NDUFS4: variants seen among roughly 807,000 people sequenced by gnomAD.
The protein encoded by NDUFS4 is NADH:ubiquinone oxidoreductase subunit S4, also known as NADH dehydrogenase [ubiquinone] iron-sulfur protein 4, mitochondrial.
NDUFS4 carries 28 observed loss-of-function variants against 24.3 expected under a neutral mutation model. The observed-to-expected ratio is 1.15, with a 90% CI of 0.85 to 1.58. NDUFS4 has a LOEUF of 1.58. NDUFS4 is among the 40% of genes most tolerant of loss of function. The pLI, the probability that NDUFS4 is intolerant of heterozygous loss-of-function variation, is 0.00. For missense variants in NDUFS4, 223 were observed against 207.9 expected, an observed-to-expected ratio of 1.07 and a Z score of -0.45; for synonymous variants, 93 against 69.7, an observed-to-expected ratio of 1.34 and a Z score of -1.67.
chr5:53,574,121 G>C (rs1331231404), intron 1 of NDUFS4, among the ~76,000 whole-genome samples: 1 of 152,134 alleles, frequency 6.6e-6, no homozygotes, highest in East Asian at 1.9e-4. Context: ...ATTTCCAGGA[G>C]GATGTTAAGA....
chr5:53,561,055 A>T (rs1322141717), intron 1 of NDUFS4, among the ~76,000 whole-genome samples: 1 of 151,962 alleles, frequency 6.6e-6, no homozygotes, highest in African/African-American at 2.4e-5. Flanking sequence ...TGCAAGCTGA[A>T]CCTTAGCCCT....
intron 4 of NDUFS4, among the ~76,000 whole-genome samples, chr5:53,668,639 A>T (rs1257680446): frequency 3.6e-5 from 5 of 140,218 alleles, no homozygotes; most frequent in African/African-American, 1.1e-4. Context: ...TTTTTTTTTT[A>T]AAGTAGAGAC....
At position 53,652,775 on chromosome 5, in the gene NDUFS4, G is replaced by T. The variant is rs185891563; in HGVS notation, c.351-5776G>T. ...ACTCAAAGGTAAAAGATTTATCTTT[G>T]TGTAAATATGAAAAATATCTTAAGG... On this transcript the variant is annotated intron_variant, in intron 3 of 4. Coordinates refer to ENST00000296684, the MANE Select transcript of NDUFS4 (RefSeq NM_002495.4). Among the ~76,000 whole-genome samples, 111 of 152,178 alleles carry T rather than the reference G, an allele frequency of 7.3e-4. 1 individual carries two copies. Among genetic ancestry groups the T allele is most frequent in the African/African-American group, 2.6e-3 (107 of 41,546 alleles).
At chr5:53,599,581 C>A (rs1406206467) in intron 1 of NDUFS4, among the ~76,000 whole-genome samples, 1 of 151,962 alleles carries the variant, frequency 6.6e-6, no homozygotes, top group African/African-American at 2.4e-5. Context: ...GGTGTTTTCC[C>A]CATTTCTAAT....
At chr5:53,653,452 T>C (rs1283334037) in intron 3 of NDUFS4, among the ~76,000 whole-genome samples, 1 of 152,204 alleles carries the variant, frequency 6.6e-6, no homozygotes, top group Non-Finnish European at 1.5e-5. Context: ...TAAAATTTGC[T>C]TTAATCAGGT....
At chr5:53,569,704 G>C (rs1455231864) in intron 1 of NDUFS4, among the ~76,000 whole-genome samples, 2 of 152,104 alleles carry the variant, frequency 1.3e-5, no homozygotes, top group Non-Finnish European at 2.9e-5. Context: ...ACACTTGTCA[G>C]CCCTTCAGAT....
chr5:53,614,267 A>G (rs927475194), intron 2 of NDUFS4, among the ~76,000 whole-genome samples: 1 of 151,928 alleles, frequency 6.6e-6, no homozygotes, highest in Non-Finnish European at 1.5e-5. Context: ...TTTAAAATAT[A>G]TGCTTATTGA....
intron 1 of NDUFS4, among the ~76,000 whole-genome samples, chr5:53,588,431 T>C (rs1749840386): frequency 6.6e-6 from 1 of 152,184 alleles, no homozygotes; most frequent in Non-Finnish European, 1.5e-5. Context: ...GCGGTATTAT[T>C]ATCCTTATTT....
At chr5:53,614,621 G>A (rs1750791061) in intron 2 of NDUFS4, among the ~76,000 whole-genome samples, 1 of 151,934 alleles carries the variant, frequency 6.6e-6, no homozygotes, top group Non-Finnish European at 1.5e-5. Flanking sequence ...TACAGTAAAG[G>A]TTTAAACTGT....
intron 2 of NDUFS4, among the ~76,000 whole-genome samples, chr5:53,635,089 C>CT (rs891144124): frequency 2.9e-4 from 44 of 152,000 alleles, no homozygotes; most frequent in African/African-American, 8.9e-4. Flanking sequence ...ACTTGGAAGG[C>CT]TGAGGTGGGA....
At chr5:53,565,681 T>A (rs1368578546) in intron 1 of NDUFS4, among the ~76,000 whole-genome samples, 4 of 152,224 alleles carry the variant, frequency 2.6e-5, no homozygotes, top group Non-Finnish European at 5.9e-5. Flanking sequence ...GAGTGTAGGA[T>A]ATTCACCTAG....
At chr5:53,637,414 G>A (rs1230345873) in intron 2 of NDUFS4, among the ~76,000 whole-genome samples, 2 of 152,118 alleles carry the variant, frequency 1.3e-5, no homozygotes, top group Non-Finnish European at 2.9e-5. Context: ...CAAAGCCTTG[G>A]TAATATAAGC....
intron 1 of NDUFS4, among the ~76,000 whole-genome samples, chr5:53,592,196 C>T (rs2112443187): frequency 6.6e-6 from 1 of 152,284 alleles, no homozygotes; most frequent in Admixed American, 6.5e-5. Flanking sequence ...AAGTGATCCG[C>T]CCGCCTCGGC....
At chr5:53,674,422 TC>T (rs1740390094) in intron 4 of NDUFS4, among the ~76,000 whole-genome samples, 1 of 152,158 alleles carries the variant, frequency 6.6e-6, no homozygotes, top group South Asian at 2.1e-4. Flanking sequence ...AGAGTGGCCT[TC>T]CTTCTCTGTT....
At chr5:53,592,680 G>T (rs1034970855) in intron 1 of NDUFS4, among the ~76,000 whole-genome samples, 1 of 152,140 alleles carries the variant, frequency 6.6e-6, no homozygotes, top group Non-Finnish European at 1.5e-5. Context: ...GTTTCTTTCT[G>T]AGAGATCAGT....
chr5:53,561,890 C>T (rs186963487), intron 1 of NDUFS4, among the ~76,000 whole-genome samples: 274 of 152,070 alleles, frequency 1.8e-3, no homozygotes, highest in African/African-American at 6.1e-3. Flanking sequence ...ATTAGTTAAA[C>T]GATTACTAAA....
Position 53,582,670 on chromosome 5 carries a change from T to TA in NDUFS4, c.99-20781dup, listed in dbSNP as rs570503053. 4.8e-3 allele frequency among the ~76,000 whole-genome samples: 736 copies of TA among 152,380 alleles called. 6 individuals carry two copies. The highest frequency in any genetic ancestry group is 9.3e-3 in the Non-Finnish European group (636 of 68,038). ...ATATTATTCAAAGACCTGCTGTACT[T>TA]ACTATGCTTCATCATGATGGCCTGT... is the stretch of plus-strand genomic sequence containing the variant. On this transcript the variant is annotated intron_variant, in intron 1 of 4. Coordinates refer to ENST00000296684, the MANE Select transcript of NDUFS4 (RefSeq NM_002495.4).
At chr5:53,575,931 G>A (rs186473841) in intron 1 of NDUFS4, among the ~76,000 whole-genome samples, 45 of 152,350 alleles carry the variant, frequency 3.0e-4, no homozygotes, top group Non-Finnish European at 5.3e-4. Flanking sequence ...ATGGCATAAA[G>A]AAAGGGTTTC....
At chr5:53,676,139 G>T (rs988320562) in intron 4 of NDUFS4, among the ~76,000 whole-genome samples, 8 of 152,194 alleles carry the variant, frequency 5.3e-5, no homozygotes, top group African/African-American at 1.9e-4. Flanking sequence ...AAACAGCACA[G>T]ATTTATGTAG....
Sources: allele counts gnomAD v4.1 joint callset (sites outside exome capture counted in the v4.1 genomes callset), GRCh38; gene constraint gnomAD v4.1.1; transcripts MANE v1.5; gene names NCBI Gene and HGNC (gene_info 2026-07-23, HGNC 2026-07-21).